Variants in CAST observed in about 807,000 individuals in gnomAD.
CAST encodes the protein calpastatin, also known as MIR583 host.
Under a neutral mutation model 119.6 loss-of-function variants are expected in CAST, and 76 were observed. The observed-to-expected ratio is 0.64, with a 90% CI of 0.53 to 0.77. The LOEUF is 0.77. CAST is among the 30% of genes least tolerant of loss of function. The pLI is 0.00. For synonymous variants in CAST, 319 were observed against 331.6 expected, an observed-to-expected ratio of 0.96 and a Z score of 0.41; for missense variants, 953 against 946.5, an observed-to-expected ratio of 1.01 and a Z score of -0.09.
intron 1 of CAST, among the ~76,000 whole-genome samples, chr5:96,538,108 G>A (rs998976008): frequency 1.3e-5 from 2 of 152,154 alleles, no homozygotes; most frequent in Non-Finnish European, 2.9e-5. Context: ...TGGTTAAACA[G>A]CCAGCAAAAG....
the CAST span, among the ~76,000 whole-genome samples, chr5:96,360,862 G>A: frequency 6.6e-6 from 1 of 152,220 alleles, no homozygotes; most frequent in African/African-American, 2.4e-5. Context: ...CAAGAGCTGT[G>A]CTGGGAGATC....
At chr5:96,154,281 AAAC>A in the CAST span, among the ~76,000 whole-genome samples, 11 of 152,192 alleles carry the variant, frequency 7.2e-5, no homozygotes, top group African/African-American at 2.4e-4. Context: ...CCATCTCAAA[AAAC>A]AACAACAAAA....
the CAST span, among the ~76,000 whole-genome samples, chr5:96,236,014 C>T: frequency 2.4e-3 from 370 of 152,244 alleles, no homozygotes; most frequent in Middle Eastern, 6.8e-3. Flanking sequence ...ATTTCTTTTG[C>T]TTTTCGATAG....
intron 1 of CAST, among the ~76,000 whole-genome samples, chr5:96,555,767 C>T (rs982036927): frequency 1.3e-4 from 20 of 152,212 alleles, no homozygotes; most frequent in Non-Finnish European, 2.8e-4. Context: ...CTCAAGGAGG[C>T]CTGCCTGCCT....
At chr5:96,627,827 C>T in intron 1 of CAST, among the ~76,000 whole-genome samples, 1 of 152,342 alleles carries the variant, frequency 6.6e-6, no homozygotes, top group Non-Finnish European at 1.5e-5. Context: ...AGTCCTATCC[C>T]TTAGAAGCCC....
In CAST at chr5:96,747,421, TAAAG is replaced by T. The variant is rs780872193; in HGVS notation, c.1332+32_1332+35del. On this transcript the variant is annotated intron_variant, in intron 18 of 31. Transcript: ENST00000675179. The stretch of plus-strand genomic sequence containing the variant: ...AGGAAATACATTTTTTTCTGATACT[TAAAG>T]AACAATAGACATGTAAAGTATGAAT... 1.2e-5 allele frequency: 16 copies of T among 1,377,840 alleles called. No individual in the cohort carries two copies. The South Asian group carries it at 1.9e-4, about 16-fold the overall frequency. The allele number at this position is 1,377,840 out of a possible 1,614,324, so 85.4% of individuals were successfully genotyped here.
At chr5:96,552,313 C>T (rs541525472) in intron 1 of CAST, among the ~76,000 whole-genome samples, 171 of 152,066 alleles carry the variant, frequency 1.1e-3, no homozygotes, top group African/African-American at 3.8e-3. Flanking sequence ...TGCTCCTGAA[C>T]GACTACTGGG....
At chr5:96,230,481 C>A in the CAST span, among the ~76,000 whole-genome samples, 1 of 152,098 alleles carries the variant, frequency 6.6e-6, no homozygotes, top group Non-Finnish European at 1.5e-5. Context: ...TCTGATTATA[C>A]CACTTTAAAT....
the CAST span, among the ~76,000 whole-genome samples, chr5:96,281,710 G>C: frequency 4.6e-5 from 7 of 152,136 alleles, no homozygotes; most frequent in Non-Finnish European, 1.0e-4. Flanking sequence ...CAAAGCAACT[G>C]TTTCTTAAAA....
chr5:96,545,679 C>T (rs77976590), intron 1 of CAST, among the ~76,000 whole-genome samples: 8,656 of 152,170 alleles, frequency 0.057, 370 homozygotes, highest in East Asian at 0.087. Flanking sequence ...AAGTCTATAC[C>T]GTTAAGCCCA....
At chr5:96,148,708 G>T in the CAST span, among the ~76,000 whole-genome samples, 2 of 152,248 alleles carry the variant, frequency 1.3e-5, no homozygotes, top group Non-Finnish European at 2.9e-5. Flanking sequence ...TAGAGCAATA[G>T]AATGATGTGT....
chr5:96,617,073 G>A (rs1424357727), intron 1 of CAST, among the ~76,000 whole-genome samples: 1 of 152,144 alleles, frequency 6.6e-6, no homozygotes, highest in Non-Finnish European at 1.5e-5. Context: ...CACTGGGACA[G>A]GTTGCTACTG....
chr5:96,099,620 A>G, the CAST span, among the ~76,000 whole-genome samples: 2 of 152,170 alleles, frequency 1.3e-5, no homozygotes, highest in African/African-American at 4.8e-5. Context: ...TATATGATGA[A>G]TCACGTTTAT....
the CAST span, among the ~76,000 whole-genome samples, chr5:96,517,753 T>C: frequency 9.2e-5 from 14 of 152,052 alleles, no homozygotes; most frequent in African/African-American, 3.4e-4. Context: ...TACTATAGGA[T>C]TGGAGGTGAT....
chr5:96,383,391 G>C, the CAST span, among the ~76,000 whole-genome samples: 2 of 152,160 alleles, frequency 1.3e-5, no homozygotes, highest in Admixed American at 6.5e-5. Flanking sequence ...TGGAGCTATG[G>C]AAACAGGTTA....
the CAST span, among the ~76,000 whole-genome samples, chr5:96,329,635 C>T: frequency 6.6e-6 from 1 of 152,178 alleles, no homozygotes; most frequent in African/African-American, 2.4e-5. Flanking sequence ...CATGAGAAGT[C>T]AGGCTACTCT....
the CAST span, among the ~76,000 whole-genome samples, chr5:96,234,577 T>G: frequency 3.9e-5 from 6 of 152,200 alleles, no homozygotes; most frequent in African/African-American, 1.2e-4. Context: ...AGTTTCCTTC[T>G]AGCTTTCCTG....
chr5:96,395,687 T>C, the CAST span, among the ~76,000 whole-genome samples: 2 of 152,124 alleles, frequency 1.3e-5, no homozygotes, highest in Admixed American at 6.5e-5. Flanking sequence ...AAATATCTAA[T>C]GTAGATGATG....
chr5:96,511,135 AC>A, the CAST span, among the ~76,000 whole-genome samples: 1 of 152,190 alleles, frequency 6.6e-6, no homozygotes, highest in African/African-American at 2.4e-5. Context: ...ATACAAAAAA[AC>A]AAAGACTATA....
Sources: gnomAD v4.1 joint callset for allele counts (sites outside exome capture counted in the v4.1 genomes callset) on GRCh38, gnomAD v4.1.1 for gene constraint, MANE v1.5 for transcripts, NCBI Gene and HGNC (gene_info 2026-07-23, HGNC 2026-07-21) for gene names.